DLG2: variants seen among roughly 807,000 people sequenced by gnomAD.
The protein encoded by DLG2 is disks large homolog 2.
DLG2 carries 45 observed loss-of-function variants against 132.5 expected under a neutral mutation model. The observed-to-expected ratio is 0.34, with a 90% CI of 0.27 to 0.44. DLG2 has a LOEUF of 0.44. DLG2 is among the 20% of genes least tolerant of loss of function. The pLI is 1.00. For missense variants in DLG2, 1,045 were observed against 1,196.9 expected (o/e 0.87, Z 1.87); for synonymous variants, 424 against 419.6 (o/e 1.01, Z -0.13).
intron 15 of DLG2, among the ~76,000 whole-genome samples, chr11:83,916,594 G>C (rs1424969440): frequency 6.6e-6 from 1 of 152,120 alleles, no homozygotes; most frequent in Non-Finnish European, 1.5e-5. Context: ...GGTATTACAG[G>C]CCTGAGCCAC....
At position 85,154,569 on chromosome 11, in the gene DLG2, T is replaced by C. The variant is rs1016328462; in HGVS notation, c.269A>G (p.Asp90Gly). ...TATAACACTTACAGTTGTCGTCTCA[T>C]CAGTTTCATTTTCAAAACTCTGATT... is the stretch of plus-strand genomic sequence containing the variant. ...KENQSFENET[D>G]ETTTQNQGRC... The change falls in exon 5 of 28, where the codon GAT becomes GGT. Residue 90 changes from aspartate to glycine, a missense_variant. Asp to Gly is a moderately conservative substitution (Grantham distance 94). Around this residue, in one of 4 missense-constraint regions of DLG2, gnomAD observed 277 missense variants for 238.2 expected, o/e 1.16. Coordinates refer to ENST00000376104, the MANE Select transcript of DLG2 (RefSeq NM_001142699.3). The C allele has an allele frequency of 2.1e-5, 32 of 1,497,442 alleles. No individual in the cohort carries two copies. Among genetic ancestry groups the C allele is most frequent in the Middle Eastern group, 3.4e-4 (2 of 5,894 alleles). 92.8% of individuals were successfully genotyped at this position (1,497,442 alleles called of 1,614,324 possible).
At chr11:84,892,776 C>A (rs919738200) in intron 6 of DLG2, among the ~76,000 whole-genome samples, 11 of 152,064 alleles carry the variant, frequency 7.2e-5, no homozygotes, top group African/African-American at 9.7e-5. Context: ...TTGCTTCCCA[C>A]CAATTCACTT....
chr11:85,266,258 G>C (rs1460368413), intron 4 of DLG2, among the ~76,000 whole-genome samples: 7 of 152,238 alleles, frequency 4.6e-5, no homozygotes, highest in Non-Finnish European at 1.0e-4. Context: ...TTGCCTATGT[G>C]ATCCCTCCCA....
At position 83,811,454 on chromosome 11, in the gene DLG2, T is replaced by C. The variant is rs188417954; in HGVS notation, c.1722+22160A>G. ...CATATGGTTCAGCCTAATAACATTA[T>C]TAATATCACTAAAAGAAAATTTTAA... On this transcript the variant is annotated intron_variant, in intron 17 of 27. Transcript: ENST00000376104. 1.4e-3 allele frequency among the ~76,000 whole-genome samples: 216 copies of C among 152,246 alleles called. 1 individual carries two copies. Among genetic ancestry groups the C allele is most frequent in the African/African-American group, 5.0e-3 (206 of 41,580 alleles).
rs1220392343 is a variant in DLG2, at chr11:85,583,120, GTGTGTGTGTGTATATATATATATATA to G, written c.40+15511_40+15536del. On this transcript the variant is annotated intron_variant, in intron 3 of 27. Transcript: ENST00000376104. ...TGTGTGTGTGTGTGTGTGTGTGTGT[GTGTGTGTGTGTATATATATATATATA>G]TATATATATATATATATATATATGT... Among the ~76,000 whole-genome samples, 21 of 57,836 alleles carry G rather than the reference GTGTGTGTGTGTATATATATATATATA, an allele frequency of 3.6e-4. 1 individual carries two copies. Among genetic ancestry groups the G allele is most frequent in the Admixed American group, 1.6e-3 (8 of 5,052 alleles). 37.9% of individuals were successfully genotyped at this position (57,836 alleles called of 152,430 possible).
intron 3 of DLG2, among the ~76,000 whole-genome samples, chr11:85,385,998 T>A (rs1029811231): frequency 2.6e-5 from 4 of 152,242 alleles, no homozygotes; most frequent in African/African-American, 9.6e-5. Flanking sequence ...CGAGGAGAAT[T>A]AGTCTTTTAA....
chr11:83,484,316 C>A (rs1379351547), intron 21 of DLG2, 88 bp from the exon 22 acceptor site: 1 of 940,020 alleles, frequency 1.1e-6, no homozygotes, highest in African/African-American at 1.6e-5. Context: ...TTTGTAAAAG[C>A]ACAGAGAGCT....
At chr11:84,010,397 A>G (rs2094822367) in intron 11 of DLG2, among the ~76,000 whole-genome samples, 2 of 151,896 alleles carry the variant, frequency 1.3e-5, no homozygotes, top group Non-Finnish European at 2.9e-5. Flanking sequence ...AGCTCAAGCA[A>G]TCTTCCTGCC....
intron 18 of DLG2, among the ~76,000 whole-genome samples, chr11:83,782,815 A>C (rs533107637): frequency 6.6e-6 from 1 of 152,244 alleles, no homozygotes; most frequent in East Asian, 1.9e-4. Flanking sequence ...ATCTCTTAGA[A>C]AGATAATTCT....
At chr11:84,464,346 C>A (rs888849944) in intron 7 of DLG2, among the ~76,000 whole-genome samples, 4 of 151,128 alleles carry the variant, frequency 2.6e-5, no homozygotes, top group Non-Finnish European at 3.0e-5. Context: ...GTACATTCAG[C>A]TTCAGACTTA....
chr11:84,551,066 T>C (rs1258343874), intron 6 of DLG2, among the ~76,000 whole-genome samples: 1 of 152,174 alleles, frequency 6.6e-6, no homozygotes, highest in Non-Finnish European at 1.5e-5. Context: ...CACCTCATAA[T>C]GAGCTGGTGT....
intron 3 of DLG2, among the ~76,000 whole-genome samples, chr11:85,479,201 T>A (rs994165877): frequency 1.3e-5 from 2 of 152,212 alleles, no homozygotes; most frequent in African/African-American, 4.8e-5. Context: ...GACTCTGACT[T>A]ATGAACAATA....
At chr11:84,722,851 A>T (rs1236131320) in intron 6 of DLG2, among the ~76,000 whole-genome samples, 1 of 152,182 alleles carries the variant, frequency 6.6e-6, no homozygotes. Context: ...AGATTTCTCC[A>T]TTAGGAATCA....
chr11:84,006,185 G>C (rs974461886), intron 11 of DLG2, among the ~76,000 whole-genome samples: 8 of 151,922 alleles, frequency 5.3e-5, no homozygotes, highest in Admixed American at 6.6e-5. Context: ...AACATCGATA[G>C]AGCTAGTGGT....
chr11:84,967,228 CA>C (rs2053468922), intron 6 of DLG2, among the ~76,000 whole-genome samples: 1 of 152,082 alleles, frequency 6.6e-6, no homozygotes, highest in East Asian at 1.9e-4. Flanking sequence ...AAGAATGAGG[CA>C]ACTATCGGGA....
chr11:83,898,797 A>G (rs957881370), intron 15 of DLG2, among the ~76,000 whole-genome samples: 3 of 152,226 alleles, frequency 2.0e-5, no homozygotes, highest in Admixed American at 6.5e-5. Context: ...AAATATTTAT[A>G]GACTAATAAC....
At chr11:85,549,153 T>C (rs1439094909) in intron 3 of DLG2, among the ~76,000 whole-genome samples, 1 of 152,146 alleles carries the variant, frequency 6.6e-6, no homozygotes, top group East Asian at 1.9e-4. Context: ...GGTCCGCAGG[T>C]TGTGAAGACC....
At chr11:84,552,885 G>C (rs971961630) in intron 6 of DLG2, among the ~76,000 whole-genome samples, 3 of 152,100 alleles carry the variant, frequency 2.0e-5, no homozygotes, top group African/African-American at 7.2e-5. Context: ...GTTTCCTCCT[G>C]CTCCAGAATA....
At chr11:84,184,659 G>A (rs2096238039) in intron 8 of DLG2, among the ~76,000 whole-genome samples, 2 of 152,148 alleles carry the variant, frequency 1.3e-5, no homozygotes, top group Non-Finnish European at 2.9e-5. Context: ...CCTATGTCCT[G>A]AATGGTATTG....
Sources: allele counts gnomAD v4.1 joint callset (sites outside exome capture counted in the v4.1 genomes callset), GRCh38; gene constraint gnomAD v4.1.1; regional missense constraint gnomAD v4.1.1; transcripts MANE v1.5; gene names NCBI Gene and HGNC (gene_info 2026-07-23, HGNC 2026-07-21).